HCN1: variants seen among roughly 807,000 people sequenced by gnomAD.
HCN1 encodes the protein hyperpolarization activated cyclic nucleotide gated potassium channel 1.
A neutral mutation model predicts 78.9 loss-of-function variants in HCN1; 13 were observed. The observed-to-expected ratio is 0.16, with a 90% CI of 0.11 to 0.26. The LOEUF (loss-of-function observed/expected upper bound fraction) is 0.26. HCN1 is among the 10% of genes least tolerant of loss of function. The pLI is 1.00. For missense variants in HCN1, 810 were observed against 1,154.3 expected (o/e 0.70, Z 4.32); for synonymous variants, 552 against 455.5 (o/e 1.21, Z -2.70).
In HCN1 at chr5:45,408,230, T is replaced by C. The variant is rs1007726084; in HGVS notation, c.1012-11520A>G. 1.6e-4 allele frequency among the ~76,000 whole-genome samples: 24 copies of C among 152,308 alleles called. 1 individual carries two copies. The highest frequency in any genetic ancestry group is 3.4e-3 in the Middle Eastern group (1 of 294). ...CTAAGTATACAGTGTTTATAAAGTC[T>C]ACAGTAGTGTACAGTAATGTCCTAG... On this transcript the variant is annotated intron_variant, in intron 3 of 7. Transcript: ENST00000303230.
chr5:45,258,267 A>G lies in HCN1; in HGVS notation c.*3654T>C, dbSNP rs1414639665. On this transcript the variant is annotated 3_prime_UTR_variant, in exon 8 of 8. Transcript: ENST00000303230. Reference sequence around the variant, plus strand: ...CATAATTCAGGATTTGAAATAAATCATCTAAAATTTTAAACATGTCATATT... The same window carrying G: ...CATAATTCAGGATTTGAAATAAATCGTCTAAAATTTTAAACATGTCATATT... 6.6e-6 allele frequency: 1 copy of G among 152,222 alleles called. No individual in the cohort carries two copies. Among genetic ancestry groups the G allele is most frequent in the East Asian group, 1.9e-4 (1 of 5,196 alleles). 9.4% of individuals were successfully genotyped at this position (152,222 alleles called of 1,614,324 possible). A position where few individuals can be genotyped will look rare whatever the true frequency, so the allele number is the denominator to read the frequency against.
intron 6 of HCN1, among the ~76,000 whole-genome samples, chr5:45,267,535 C>T (rs1473938690): frequency 1.3e-5 from 2 of 151,126 alleles, no homozygotes; most frequent in East Asian, 3.9e-4. Context: ...TTTGGGAGGC[C>T]GAGGTGGGTG....
At chr5:45,593,340 T>TCA (rs538486679) in intron 2 of HCN1, among the ~76,000 whole-genome samples, 21 of 125,592 alleles carry the variant, frequency 1.7e-4, no homozygotes, top group Middle Eastern at 4.1e-3. Context: ...TCTCTCTCTC[T>TCA]CACACACACA....
At chr5:45,623,342 G>A (rs2111998979) in intron 2 of HCN1, among the ~76,000 whole-genome samples, 1 of 152,176 alleles carries the variant, frequency 6.6e-6, no homozygotes, top group African/African-American at 2.4e-5. Context: ...CCACTAATCA[G>A]TTCCATTATT....
chr5:45,590,268 G>C (rs1321107369), intron 2 of HCN1, among the ~76,000 whole-genome samples: 1 of 152,056 alleles, frequency 6.6e-6, no homozygotes, highest in Non-Finnish European at 1.5e-5. Context: ...TAATACATCA[G>C]GAAAACAGTC....
chr5:45,575,279 T>C (rs1450597730), intron 2 of HCN1: 1 of 152,190 alleles, frequency 6.6e-6, no homozygotes, highest in African/African-American at 2.4e-5. Context: ...CCAATGTTCA[T>C]TGACTATCCT....
Position 45,417,751 on chromosome 5 carries a change from C to CAAAA in HCN1, c.1012-21045_1012-21042dup, listed in dbSNP as rs1212611466. 8.8e-4 allele frequency among the ~76,000 whole-genome samples: 13 copies of CAAAA among 14,804 alleles called. 1 individual carries two copies. The highest frequency in any genetic ancestry group is 1.0e-3 in the Non-Finnish European group (6 of 5,830). 9.7% of individuals were successfully genotyped at this position (14,804 alleles called of 152,430 possible). ...CCAGGGTCTCATTAGTGTAGAGAGACAAAAAAAAAAAAAAAAAAAAAAAAA... is the reference window on the plus strand; with the variant it reads ...CCAGGGTCTCATTAGTGTAGAGAGACAAAAAAAAAAAAAAAAAAAAAAAAAAAAA... On this transcript the variant is annotated intron_variant, in intron 3 of 7. Coordinates refer to ENST00000303230, the MANE Select transcript of HCN1 (RefSeq NM_021072.4).
intron 3 of HCN1, among the ~76,000 whole-genome samples, chr5:45,437,238 T>A (rs763107830): frequency 6.6e-6 from 1 of 152,202 alleles, no homozygotes; most frequent in African/African-American, 2.4e-5. Context: ...TCAAGCCACA[T>A]AAGAGAATCA....
intron 1 of HCN1, among the ~76,000 whole-genome samples, chr5:45,682,999 G>T (rs1305646201): frequency 6.6e-6 from 1 of 151,932 alleles, no homozygotes; most frequent in Non-Finnish European, 1.5e-5. Flanking sequence ...CCTTTAGAAA[G>T]GTTAGAATAA....
At chr5:45,425,041 G>A (rs766229957) in intron 3 of HCN1, among the ~76,000 whole-genome samples, 8 of 152,130 alleles carry the variant, frequency 5.3e-5, no homozygotes, top group Non-Finnish European at 1.0e-4. Flanking sequence ...AAATGGCATC[G>A]ATGTTTTATT....
chr5:45,302,145 T>A (rs1183885226), intron 6 of HCN1, among the ~76,000 whole-genome samples: 2 of 152,108 alleles, frequency 1.3e-5, no homozygotes, highest in South Asian at 2.1e-4. Flanking sequence ...TTTGGCTCTA[T>A]GTCCCCCCAA....
chr5:45,567,423 C>G (rs1258916602), intron 2 of HCN1, among the ~76,000 whole-genome samples: 2 of 152,054 alleles, frequency 1.3e-5, no homozygotes, highest in African/African-American at 4.8e-5. Flanking sequence ...AAGGAAGGAG[C>G]TGCAGGAGTA....
At chr5:45,343,948 T>G (rs1414335701) in intron 5 of HCN1, among the ~76,000 whole-genome samples, 1 of 152,060 alleles carries the variant, frequency 6.6e-6, no homozygotes, top group East Asian at 1.9e-4. Flanking sequence ...AGAAAAATTA[T>G]CAATAATTAA....
intron 2 of HCN1, among the ~76,000 whole-genome samples, chr5:45,543,585 C>A (rs1407104694): frequency 6.6e-6 from 1 of 152,022 alleles, no homozygotes; most frequent in East Asian, 1.9e-4. Context: ...TTGCTTACTT[C>A]CAATCCAGCT....
chr5:45,509,005 A>G (rs1267371986), intron 2 of HCN1, among the ~76,000 whole-genome samples: 1 of 152,120 alleles, frequency 6.6e-6, no homozygotes, highest in Admixed American at 6.6e-5. Flanking sequence ...GCAAATATTT[A>G]CTAAGTTCTT....
intron 4 of HCN1, among the ~76,000 whole-genome samples, chr5:45,394,820 A>C (rs191213227): frequency 4.6e-4 from 70 of 152,284 alleles, no homozygotes; most frequent in African/African-American, 1.7e-3. Flanking sequence ...TCAAAAAAAA[A>C]AAGTTATATT....
At chr5:45,544,148 A>C (rs1202209578) in intron 2 of HCN1, among the ~76,000 whole-genome samples, 2 of 152,136 alleles carry the variant, frequency 1.3e-5, no homozygotes, top group Non-Finnish European at 2.9e-5. Flanking sequence ...ATGTATTGGT[A>C]CTATCCATGT....
intron 5 of HCN1, among the ~76,000 whole-genome samples, chr5:45,317,505 C>G (rs1395298842): frequency 1.3e-5 from 2 of 152,148 alleles, no homozygotes; most frequent in African/African-American, 2.4e-5. Flanking sequence ...TAGGAATGGG[C>G]AAGGACTTCA....
intron 5 of HCN1, among the ~76,000 whole-genome samples, chr5:45,350,897 C>T (rs1345760574): frequency 1.3e-5 from 2 of 152,154 alleles, no homozygotes; most frequent in African/African-American, 4.8e-5. Flanking sequence ...AATGGAAGAA[C>T]ATTTCATGCT....
Sources: allele counts gnomAD v4.1 joint callset (sites outside exome capture counted in the v4.1 genomes callset), GRCh38; gene constraint gnomAD v4.1.1; transcripts MANE v1.5; gene names NCBI Gene and HGNC (gene_info 2026-07-23, HGNC 2026-07-21).